The following CNIH3 variants were observed in gnomAD, a reference collection of about 807,000 sequenced individuals.
CNIH3 encodes the protein protein cornichon homolog 3.
A neutral mutation model predicts 24.1 loss-of-function variants in CNIH3; 14 were observed. The observed-to-expected ratio is 0.58, with a 90% CI of 0.38 to 0.91. CNIH3 has a LOEUF of 0.91. Among genes scored for constraint, CNIH3 ranks in the 40% least tolerant of loss-of-function variants. CNIH3 has a pLI of 0.00. For missense variants in CNIH3, 178 were observed against 196.8 expected, an observed-to-expected ratio of 0.90 and a Z score of 0.57; for synonymous variants, 68 against 73.8, an observed-to-expected ratio of 0.92 and a Z score of 0.40.
At chr1:224,574,711 G>A in intron 4 of CNIH3, 1 of 1,197,208 alleles carries the variant, frequency 8.4e-7, no homozygotes, top group Non-Finnish European at 1.2e-6. Context: ...AAAGGAGCCT[G>A]CCAGAAGATG....
At chr1:224,533,254 A>T (rs1351380864) in intron 2 of CNIH3, among the ~76,000 whole-genome samples, 1 of 151,758 alleles carries the variant, frequency 6.6e-6, no homozygotes, top group Non-Finnish European at 1.5e-5. Flanking sequence ...ACAAAAAAAA[A>T]AAATAAAATA....
intron 2 of CNIH3, among the ~76,000 whole-genome samples, chr1:224,535,153 G>A (rs544553578): frequency 5.1e-4 from 77 of 152,310 alleles, no homozygotes; most frequent in African/African-American, 1.8e-3. Context: ...ATTAGGGCAG[G>A]CCCTAATCCA....
At chr1:224,514,292 C>T (rs1380503564), upstream of CNIH3, among the ~76,000 whole-genome samples, 1 of 152,130 alleles carries the variant, frequency 6.6e-6, no homozygotes, top group Non-Finnish European at 1.5e-5. Flanking sequence ...TATACGCATG[C>T]AGGTTAAGAA....
chr1:224,526,600 G>A (rs1419640736), intron 2 of CNIH3, among the ~76,000 whole-genome samples: 3 of 152,048 alleles, frequency 2.0e-5, no homozygotes, highest in Non-Finnish European at 4.4e-5. Flanking sequence ...GAGGGCTTTA[G>A]GTCTCAGTAT....
At chr1:224,446,292 T>G (rs1166858878) in intron 1 of CNIH3, among the ~76,000 whole-genome samples, 1 of 150,072 alleles carries the variant, frequency 6.7e-6, no homozygotes, top group Non-Finnish European at 1.5e-5. Flanking sequence ...GACTCATCAA[T>G]TTCCACAAAA....
intron 3 of CNIH3, among the ~76,000 whole-genome samples, chr1:224,690,279 C>T (rs1278487551): frequency 6.6e-6 from 1 of 152,216 alleles, no homozygotes; most frequent in African/African-American, 2.4e-5. Context: ...CGGCTCACTG[C>T]AACCTCTGCC....
At chr1:224,470,530 G>A (rs1156353939) in intron 1 of CNIH3, among the ~76,000 whole-genome samples, 1 of 151,960 alleles carries the variant, frequency 6.6e-6, no homozygotes, top group African/African-American at 2.4e-5. Flanking sequence ...GTCTGGCCCA[G>A]GCTGGTCTTC....
At chr1:224,567,343 C>G (rs1680622752) in intron 4 of CNIH3, among the ~76,000 whole-genome samples, 1 of 152,148 alleles carries the variant, frequency 6.6e-6, no homozygotes, top group Admixed American at 6.5e-5. Context: ...ATGATAATTT[C>G]TTTTACTGTG....
downstream of CNIH3, among the ~76,000 whole-genome samples, chr1:224,589,533 T>C (rs545227717): frequency 4.4e-4 from 67 of 152,348 alleles, 1 homozygote; most frequent in South Asian, 0.013. Flanking sequence ...CAGGGCTGCT[T>C]TTTGCATGAA....
chr1:224,661,365 G>C (rs753914580), intron 1 of CNIH3: 4 of 277,210 alleles, frequency 1.4e-5, no homozygotes, highest in African/African-American at 6.8e-5. Context: ...CAAATGATGT[G>C]GAAGAGAATG....
At chr1:224,715,232 C>T (rs570735576) in intron 3 of CNIH3, among the ~76,000 whole-genome samples, 8 of 152,248 alleles carry the variant, frequency 5.3e-5, no homozygotes, top group Non-Finnish European at 8.8e-5. Context: ...CATCTTTAAA[C>T]GTTCAGTCCT....
chr1:224,617,096 A>G lies in CNIH3; in HGVS notation c.-79A>G, dbSNP rs976845168. On this transcript the variant is annotated 5_prime_UTR_variant, in exon 1 of 6. Transcript: ENST00000272133. ...GGAGCGTGCAGACGCGGCTCCTTGG[A>G]GGGAGTGCGGTCCTCTAGGGAGGCA... 7.0e-6 allele frequency: 11 copies of G among 1,572,936 alleles called. No individual in the cohort carries two copies. In the East Asian group the frequency reaches 2.3e-4, roughly 32 times the overall value.
chr1:224,593,197 C>G (rs1403040989), downstream of CNIH3, among the ~76,000 whole-genome samples: 3 of 149,456 alleles, frequency 2.0e-5, no homozygotes, highest in African/African-American at 7.5e-5. Context: ...ACTCTGTTGC[C>G]TAGGCTGGAG....
In CNIH3 at chr1:224,455,515, C is replaced by G. The variant is rs1173337392; in HGVS notation, n.203+20653C>G. ...TTGACTTACCAGGAATCTAGTAGAC[C>G]CAGGATTATCCAAATGTCACCAAAC... On this transcript the variant is annotated intron_variant and non_coding_transcript_variant, in intron 1 of 5. Transcript: ENST00000471578. 2.0e-5 allele frequency among the ~76,000 whole-genome samples: 3 copies of G among 152,054 alleles called. No homozygotes were observed. The East Asian group carries it at 5.8e-4, about 29-fold the overall frequency.
chr1:224,606,634 A>C (rs1390946132), intron 3 of CNIH3, among the ~76,000 whole-genome samples: 1 of 152,156 alleles, frequency 6.6e-6, no homozygotes, highest in Admixed American at 6.5e-5. Context: ...ACAAAAGTGC[A>C]TGTTCTCACT....
intron 1 of CNIH3, among the ~76,000 whole-genome samples, chr1:224,456,053 T>C (rs1209668709): frequency 1.3e-5 from 2 of 152,228 alleles, no homozygotes; most frequent in African/African-American, 2.4e-5. Context: ...ATGTGGTGAA[T>C]ATGGGATGTG....
intron 1 of CNIH3, among the ~76,000 whole-genome samples, chr1:224,645,828 A>G (rs1229668797): frequency 6.6e-6 from 1 of 152,166 alleles, no homozygotes; most frequent in East Asian, 1.9e-4. Context: ...TTCTCTGGCC[A>G]TCTCGCTCCA....
chr1:224,709,993 T>C (rs962252763), intron 3 of CNIH3, among the ~76,000 whole-genome samples: 1 of 152,088 alleles, frequency 6.6e-6, no homozygotes, highest in African/African-American at 2.4e-5. Flanking sequence ...TTAATTATCT[T>C]TATTATTAAT....
At chr1:224,469,364 GAGCCACTCTGCCC>G (rs1676277154) in intron 1 of CNIH3, among the ~76,000 whole-genome samples, 1 of 151,950 alleles carries the variant, frequency 6.6e-6, no homozygotes, top group East Asian at 1.9e-4. Flanking sequence ...TTACAGGTGT[GAGCCACTCTGCCC>G]AGCCTGATTT....
Sources: allele counts gnomAD v4.1 joint callset (sites outside exome capture counted in the v4.1 genomes callset), GRCh38; gene constraint gnomAD v4.1.1; transcripts MANE v1.5; gene names NCBI Gene and HGNC (gene_info 2026-07-23, HGNC 2026-07-21).